Variants in HS6ST2 observed in about 807,000 individuals in gnomAD.
HS6ST2 encodes the protein heparan-sulfate 6-O-sulfotransferase 2.
In HS6ST2, 17 loss-of-function variants were observed where a neutral mutation model predicts 33.0. The ratio of observed to expected loss-of-function variants is 0.52; its 90% CI spans 0.35 to 0.77. The LOEUF is 0.77. Ranked by LOEUF, HS6ST2 falls within the 30% of genes least tolerant of loss-of-function variation. The pLI is 0.01. For missense variants in HS6ST2, 519 were observed against 551.7 expected, an observed-to-expected ratio of 0.94 and a Z score of 0.59; for synonymous variants, 248 against 237.1, an observed-to-expected ratio of 1.05 and a Z score of -0.42.
At position 132,705,556 on chromosome X, in the gene HS6ST2, C is replaced by A. The variant is rs1290686375; in HGVS notation, c.980+2906G>T. Among the ~76,000 whole-genome samples, 16 of 111,849 alleles carry A rather than the reference C, an allele frequency of 1.4e-4. No homozygotes were observed. The Admixed American group carries it at 1.5e-3, about 11-fold the overall frequency. ...GTATGCCAAAAAACGATGGTAATAA[C>A]CACCATTATCGACTGTTTACTATGT... is the stretch of plus-strand genomic sequence containing the variant. On this transcript the variant is annotated intron_variant, in intron 3 of 4. Coordinates refer to ENST00000370833, the MANE Select transcript of HS6ST2 (RefSeq NM_001394073.1).
At chrX:132,706,628 T>C (rs1353035839) in intron 3 of HS6ST2, among the ~76,000 whole-genome samples, 1 of 112,149 alleles carries the variant, frequency 8.9e-6, no homozygotes, top group East Asian at 2.8e-4. Flanking sequence ...TTGGGATGGC[T>C]TCCACTGATT....
At chrX:132,714,844 G>A (rs964278700) in intron 2 of HS6ST2, among the ~76,000 whole-genome samples, 1 of 111,481 alleles carries the variant, frequency 9.0e-6, no homozygotes, top group Non-Finnish European at 1.9e-5. Flanking sequence ...AAGGACACAT[G>A]GGCATGCCTG....
intron 2 of HS6ST2, among the ~76,000 whole-genome samples, chrX:132,857,527 G>T (rs1020998722): frequency 9.0e-6 from 1 of 110,566 alleles, no homozygotes; most frequent in Non-Finnish European, 1.9e-5. Flanking sequence ...GTACATCCTT[G>T]TTATTTTCCT....
At chrX:132,869,766 T>A (rs1364436768) in intron 2 of HS6ST2, among the ~76,000 whole-genome samples, 1 of 111,753 alleles carries the variant, frequency 8.9e-6, no homozygotes, top group Non-Finnish European at 1.9e-5. Flanking sequence ...GGAATGTATC[T>A]CAAAATAACA....
chrX:132,957,752 C>T (rs1198140166), intron 1 of HS6ST2, among the ~76,000 whole-genome samples: 1 of 111,432 alleles, frequency 9.0e-6, no homozygotes, highest in Non-Finnish European at 1.9e-5. Flanking sequence ...CATCCCGCTT[C>T]GTCCGCCGGA....
chrX:132,655,910 G>A (rs964823950), intron 4 of HS6ST2, among the ~76,000 whole-genome samples: 14 of 111,470 alleles, frequency 1.3e-4, no homozygotes, highest in East Asian at 5.6e-4. Flanking sequence ...CTAACCATCC[G>A]CCTATTTTTT....
chrX:132,869,015 C>T (rs1326372832), intron 2 of HS6ST2, among the ~76,000 whole-genome samples: 2 of 106,365 alleles, frequency 1.9e-5, no homozygotes, highest in Admixed American at 1.0e-4. Context: ...TAAAGACTAA[C>T]AAAATAGATA....
Position 132,632,875 on chromosome X carries a change from A to G in HS6ST2, c.1068-3782T>C, listed in dbSNP as rs143164332. Among the ~76,000 whole-genome samples the G allele has an allele frequency of 5.8e-3, 641 of 110,154 alleles. 4 individuals carry two copies. The highest frequency in any genetic ancestry group is 0.02 in the African/African-American group (612 of 30,315). ...GCAGATCACTTGAACCCAATAGTTC[A>G]AGACCAGCCTGAACAACATGGTGAA... On this transcript the variant is annotated intron_variant, in intron 4 of 4. Transcript: ENST00000370833.
chrX:132,718,131 C>G (rs1450868936), intron 2 of HS6ST2, among the ~76,000 whole-genome samples: 1 of 111,927 alleles, frequency 8.9e-6, no homozygotes, highest in Admixed American at 9.5e-5. Context: ...AGATGCCACA[C>G]ACTATAGGAA....
At chrX:132,799,968 G>A (rs760731639) in intron 2 of HS6ST2, among the ~76,000 whole-genome samples, 1 of 111,959 alleles carries the variant, frequency 8.9e-6, no homozygotes, top group African/African-American at 3.2e-5. Flanking sequence ...GGCAAAGGTT[G>A]AACTAAAAGT....
intron 2 of HS6ST2, among the ~76,000 whole-genome samples, chrX:132,776,694 T>A (rs957143744): frequency 3.6e-5 from 4 of 110,890 alleles, no homozygotes; most frequent in Non-Finnish European, 5.7e-5. Flanking sequence ...GCCTACCTTA[T>A]TCGCCTCATT....
At chrX:132,855,499 A>G (rs1839927318) in intron 2 of HS6ST2, among the ~76,000 whole-genome samples, 1 of 112,449 alleles carries the variant, frequency 8.9e-6, no homozygotes, top group African/African-American at 3.2e-5. Flanking sequence ...TAGGTATGGC[A>G]CAAATATTTG....
At chrX:132,845,951 T>G (rs979689384) in intron 2 of HS6ST2, among the ~76,000 whole-genome samples, 3 of 111,435 alleles carry the variant, frequency 2.7e-5, no homozygotes, top group Non-Finnish European at 5.7e-5. Flanking sequence ...GGCCAGAAAA[T>G]AAATATTTTA....
intron 3 of HS6ST2, among the ~76,000 whole-genome samples, chrX:132,676,360 A>C (rs758222776): frequency 2.7e-5 from 3 of 112,100 alleles, no homozygotes; most frequent in Non-Finnish European, 5.6e-5. Context: ...GCTACATAAC[A>C]ATGTAATGTA....
At chrX:132,663,665 C>T (rs928601454) in intron 4 of HS6ST2, among the ~76,000 whole-genome samples, 19 of 112,642 alleles carry the variant, frequency 1.7e-4, no homozygotes, top group African/African-American at 5.8e-4. Flanking sequence ...ATTATCATCA[C>T]ATAAAACTAC....
At chrX:132,922,198 C>G (rs1428193008) in intron 2 of HS6ST2, among the ~76,000 whole-genome samples, 1 of 111,434 alleles carries the variant, frequency 9.0e-6, no homozygotes, top group African/African-American at 3.3e-5. Context: ...GTCAGGAGAT[C>G]GAGACCATCC....
rs190004553 is a variant in HS6ST2, at chrX:132,689,476, A to G, written c.980+18986T>C. ...CCCATTGTTTGCTGCTGGTTATATG[A>G]AGCTGGTTGTTACAAAGAGCAAATG... is the stretch of plus-strand genomic sequence containing the variant. On this transcript the variant is annotated intron_variant, in intron 3 of 4. Transcript: ENST00000370833. 1.2e-3 allele frequency among the ~76,000 whole-genome samples: 131 copies of G among 112,024 alleles called. 2 individuals carry two copies. The highest frequency in any genetic ancestry group is 4.1e-3 in the African/African-American group (128 of 30,881).
In HS6ST2 at chrX:132,958,580, A is replaced by C. The variant is rs1602940179; in HGVS notation, c.23T>G (p.Val8Gly). 1.7e-6 allele frequency: 2 copies of C among 1,173,908 alleles called. No homozygotes were observed. Among genetic ancestry groups the C allele is most frequent in the Non-Finnish European group, 2.3e-6 (2 of 875,510 alleles). MALPACA[V>G]REFEPPRQPE... is the part of the protein sequence containing the mutation. Reference sequence around the variant, plus strand: ...TTGCCGCGGCGGCTCGAACTCCCGGACTGCACACGCAGGCAGTGCCATTCC... The same window carrying C: ...TTGCCGCGGCGGCTCGAACTCCCGGCCTGCACACGCAGGCAGTGCCATTCC... Residue 8 changes from valine to glycine, a missense_variant, in exon 1 of 5, where the codon GTC becomes GGC. Physicochemically the swap from Val to Gly is moderately radical, Grantham distance 109. Transcript: ENST00000370833.
At chrX:132,939,535 G>T (rs1341518425) in intron 2 of HS6ST2, among the ~76,000 whole-genome samples, 8 of 110,786 alleles carry the variant, frequency 7.2e-5, no homozygotes, top group Non-Finnish European at 1.3e-4. Context: ...TGAGGCAGGA[G>T]AATTGCTTGA....
Sources: allele counts gnomAD v4.1 joint callset (sites outside exome capture counted in the v4.1 genomes callset), GRCh38; gene constraint gnomAD v4.1.1; transcripts MANE v1.5; gene names NCBI Gene and HGNC (gene_info 2026-07-23, HGNC 2026-07-21).